ADAMTS3: variants seen among roughly 807,000 people sequenced by gnomAD.
The protein encoded by ADAMTS3 is A disintegrin and metalloproteinase with thrombospondin motifs 3.
In ADAMTS3, 73 loss-of-function variants were observed where a neutral mutation model predicts 129.0. The ratio of observed to expected loss-of-function variants is 0.57; its 90% CI spans 0.47 to 0.69. The LOEUF (loss-of-function observed/expected upper bound fraction) is 0.69. Among genes scored for constraint, ADAMTS3 ranks in the 30% least tolerant of loss-of-function variants. The pLI is 0.00. For synonymous variants in ADAMTS3, 477 were observed against 510.8 expected (o/e 0.93, Z 0.89); for missense variants, 1,457 against 1,514.5 (o/e 0.96, Z 0.63).
At chr4:72,457,409 G>A (rs1718653801) in intron 3 of ADAMTS3, among the ~76,000 whole-genome samples, 2 of 151,586 alleles carry the variant, frequency 1.3e-5, no homozygotes, top group South Asian at 4.1e-4. Context: ...AGGCAGAAAG[G>A]AATGAGAACT....
rs562513965 is a variant in ADAMTS3, at chr4:72,281,162, T to G, written c.*1974A>C. ...TATCTTCCCCTGTGGATGAGATGTA[T>G]GCACACACAAGTAAACTAGAGAGAA... On this transcript the variant is annotated 3_prime_UTR_variant, in exon 22 of 22. Transcript: ENST00000286657. 2 of 152,530 alleles carry G rather than the reference T, an allele frequency of 1.3e-5. No individual in the cohort carries two copies. The highest frequency in any genetic ancestry group is 3.9e-4 in the East Asian group (2 of 5,192). 9.4% of individuals were successfully genotyped at this position (152,530 alleles called of 1,614,324 possible). A position where few individuals can be genotyped will look rare whatever the true frequency, so the allele number is the denominator to read the frequency against.
At chr4:72,484,008 A>C (rs1719512206) in intron 3 of ADAMTS3, among the ~76,000 whole-genome samples, 1 of 151,254 alleles carries the variant, frequency 6.6e-6, no homozygotes, top group South Asian at 2.1e-4. Context: ...ACAGAGCAGG[A>C]CTCCGTCTCA....
At chr4:72,497,811 AG>A (rs1719907851) in intron 3 of ADAMTS3, among the ~76,000 whole-genome samples, 1 of 152,050 alleles carries the variant, frequency 6.6e-6, no homozygotes, top group Non-Finnish European at 1.5e-5. Context: ...TTCATCCAAA[AG>A]TTTGTCTCAA....
chr4:72,320,886 A>T lies in ADAMTS3; in HGVS notation c.946-16T>A, dbSNP rs1325427702. 1 of 1,611,948 alleles carries T rather than the reference A, an allele frequency of 6.2e-7. No homozygotes were observed. Among genetic ancestry groups the T allele is most frequent in the Non-Finnish European group, 8.5e-7 (1 of 1,179,208 alleles). On this transcript the variant is annotated splice_polypyrimidine_tract_variant and intron_variant, in intron 6 of 21. Transcript: ENST00000286657. ...GGCTGATGGACTAAGTGAAAACAATATGTTAAAGACACACCTGACAATTTC... is the reference window on the plus strand; with the variant it reads ...GGCTGATGGACTAAGTGAAAACAATTTGTTAAAGACACACCTGACAATTTC...
Position 72,519,250 on chromosome 4 carries a change from T to A in ADAMTS3, c.504+29228A>T, listed in dbSNP as rs189168684. On this transcript the variant is annotated intron_variant, in intron 3 of 21. Transcript: ENST00000286657. ...TTCCCTTTGTGGGTAACCTGACATT[T>A]CTCTCTGCCTGCCCTTAACATTTTT... Among the ~76,000 whole-genome samples, 73 of 152,352 alleles carry A rather than the reference T, an allele frequency of 4.8e-4. No homozygotes were observed. In the East Asian group the frequency reaches 0.013, roughly 27 times the overall value.
chr4:72,544,418 A>G (rs540985910), intron 3 of ADAMTS3, among the ~76,000 whole-genome samples: 2 of 152,292 alleles, frequency 1.3e-5, no homozygotes, highest in African/African-American at 2.4e-5. Flanking sequence ...TGAAGACAAG[A>G]GTTACACTTG....
At chr4:72,541,835 CT>C (rs1204331772) in intron 3 of ADAMTS3, among the ~76,000 whole-genome samples, 1 of 152,078 alleles carries the variant, frequency 6.6e-6, no homozygotes, top group African/African-American at 2.4e-5. Flanking sequence ...CATTAGTTTT[CT>C]TTTTCTTTAT....
intron 4 of ADAMTS3, among the ~76,000 whole-genome samples, chr4:72,391,038 G>T (rs568227899): frequency 6.6e-6 from 1 of 152,106 alleles, no homozygotes; most frequent in Non-Finnish European, 1.5e-5. Context: ...CAAGGAAAAT[G>T]ATCTTCCCAC....
chr4:72,397,287 C>T (rs1179617526), intron 4 of ADAMTS3, among the ~76,000 whole-genome samples: 3 of 151,836 alleles, frequency 2.0e-5, no homozygotes, highest in Non-Finnish European at 4.4e-5. Flanking sequence ...GTATATCAGC[C>T]GGGCGCAGTG....
intron 4 of ADAMTS3, among the ~76,000 whole-genome samples, chr4:72,365,407 T>A (rs1235452250): frequency 6.6e-6 from 1 of 152,212 alleles, no homozygotes; most frequent in Admixed American, 6.5e-5. Flanking sequence ...AAACTCTTCA[T>A]GCATATCTTT....
chr4:72,332,105 G>A (rs545966821), intron 5 of ADAMTS3, among the ~76,000 whole-genome samples: 1 of 152,290 alleles, frequency 6.6e-6, no homozygotes, highest in Admixed American at 6.5e-5. Flanking sequence ...GAATTCAAAT[G>A]TAAGAAACGG....
At chr4:72,560,039 G>A (rs1156917187) in intron 2 of ADAMTS3, among the ~76,000 whole-genome samples, 1 of 151,446 alleles carries the variant, frequency 6.6e-6, no homozygotes, top group African/African-American at 2.4e-5. Context: ...AAATAACACT[G>A]CACATCTACA....
chr4:72,551,703 C>T (rs528859300), intron 2 of ADAMTS3, among the ~76,000 whole-genome samples: 3 of 152,204 alleles, frequency 2.0e-5, no homozygotes, highest in African/African-American at 7.2e-5. Context: ...GTAGGTAAAT[C>T]CTATTACCCC....
At chr4:72,369,809 A>T (rs1018147437) in intron 4 of ADAMTS3, among the ~76,000 whole-genome samples, 3 of 152,232 alleles carry the variant, frequency 2.0e-5, no homozygotes, top group Admixed American at 2.0e-4. Flanking sequence ...TAACTAAGAC[A>T]TGACACAAAA....
At chr4:72,436,074 G>A (rs576530923) in intron 3 of ADAMTS3, among the ~76,000 whole-genome samples, 4 of 152,044 alleles carry the variant, frequency 2.6e-5, no homozygotes, top group East Asian at 3.9e-4. Flanking sequence ...GCAACCTACA[G>A]AATGGGAGAA....
chr4:72,370,416 T>C (rs997910470), intron 4 of ADAMTS3, among the ~76,000 whole-genome samples: 1 of 150,490 alleles, frequency 6.6e-6, no homozygotes, highest in Non-Finnish European at 1.5e-5. Flanking sequence ...GCTTATTATA[T>C]CAATCTGCTT....
chr4:72,414,893 CT>C lies in ADAMTS3; in HGVS notation c.582del (p.Gly195GlufsTer12), dbSNP rs1722266201. ...CTCTTGTAGACAACATGAATCCTTC[CT>C]TTTTCTTCCTCCATCTGTTTACCTC... ...LERGKQMEEE[K>X]GRIHVVYKRS... is the part of the protein sequence containing the mutation. On this transcript the variant is annotated frameshift_variant, in exon 4 of 22. Coordinates refer to ENST00000286657, the MANE Select transcript of ADAMTS3 (RefSeq NM_014243.3). LOFTEE classifies it high-confidence loss of function. The C allele has an allele frequency of 1.3e-6, 2 of 1,584,958 alleles. No homozygotes were observed. Among genetic ancestry groups the C allele is most frequent in the Non-Finnish European group, 1.7e-6 (2 of 1,167,390 alleles).
chr4:72,320,030 C>T, intron 7 of ADAMTS3, 67 bp from the exon 8 acceptor site: 1 of 1,374,432 alleles, frequency 7.3e-7, no homozygotes, highest in Non-Finnish European at 1.0e-6. Context: ...TACAACTGGA[C>T]TTTTGCCTAG....
intron 3 of ADAMTS3, among the ~76,000 whole-genome samples, chr4:72,419,146 T>C (rs528544452): frequency 6.6e-6 from 1 of 152,294 alleles, no homozygotes; most frequent in Admixed American, 6.5e-5. Flanking sequence ...CTTAGCCAAT[T>C]ATTCTAACTG....
Sources: allele counts gnomAD v4.1 joint callset (sites outside exome capture counted in the v4.1 genomes callset), GRCh38; gene constraint gnomAD v4.1.1; transcripts MANE v1.5; gene names NCBI Gene and HGNC (gene_info 2026-07-23, HGNC 2026-07-21).